The following THSD7B variants were observed in gnomAD, a reference collection of about 807,000 sequenced individuals.
THSD7B encodes the protein thrombospondin type 1 domain containing 7B.
In THSD7B, 138 loss-of-function variants were observed where a neutral mutation model predicts 213.6. That is an observed-to-expected ratio of 0.65 (90% CI 0.56 to 0.74). THSD7B has a LOEUF of 0.74. THSD7B is among the 30% of genes least tolerant of loss of function. The probability of loss-of-function intolerance (pLI) is 0.00; values close to 1 mark genes in which losing one functional copy is unlikely to be tolerated. For missense variants in THSD7B, 1,931 were observed against 1,991.5 expected, an observed-to-expected ratio of 0.97 and a Z score of 0.58; for synonymous variants, 742 against 687.0, an observed-to-expected ratio of 1.08 and a Z score of -1.25.
intron 15 of THSD7B, among the ~76,000 whole-genome samples, chr2:137,526,949 C>G (rs1403359027): frequency 1.3e-5 from 2 of 151,964 alleles, no homozygotes; most frequent in Admixed American, 6.6e-5. Flanking sequence ...AAATTTTGTA[C>G]CGCTTATCCA....
At chr2:137,188,297 A>G (rs1680589643) in intron 7 of THSD7B, among the ~76,000 whole-genome samples, 1 of 152,082 alleles carries the variant, frequency 6.6e-6, no homozygotes, top group Admixed American at 6.6e-5. Flanking sequence ...TTTACCAGCA[A>G]ATGGATATTT....
At position 137,195,218 on chromosome 2, in the gene THSD7B, A is replaced by G. The variant is rs551952422; in HGVS notation, c.1723+24280A>G. Among the ~76,000 whole-genome samples, 7 of 150,138 alleles carry G rather than the reference A, an allele frequency of 4.7e-5. No individual in the cohort carries two copies. The Admixed American group carries it at 4.7e-4, about 10-fold the overall frequency. ...CAAAACCCTGCATATAGCTATTTGT[A>G]TGTATATGTATGTGTGTATATATAT... On this transcript the variant is annotated intron_variant, in intron 7 of 27. Coordinates refer to ENST00000409968, the MANE Select transcript of THSD7B (RefSeq NM_001316349.2).
intron 24 of THSD7B, among the ~76,000 whole-genome samples, chr2:137,658,768 A>G (rs1446220): frequency 0.11 from 17,393 of 152,232 alleles, 1,043 homozygotes; most frequent in Middle Eastern, 0.17. Flanking sequence ...CTTCATTCCC[A>G]GGGACAATGT....
At chr2:137,127,933 A>G (rs1011919319) in intron 5 of THSD7B, among the ~76,000 whole-genome samples, 4 of 152,114 alleles carry the variant, frequency 2.6e-5, no homozygotes, top group African/African-American at 9.7e-5. Context: ...AAAACGAAAC[A>G]AAATAAAAAA....
Position 137,321,890 on chromosome 2 carries a change from G to A in THSD7B, c.2500+45864G>A, listed in dbSNP as rs562159376. Among the ~76,000 whole-genome samples, 221 of 152,290 alleles carry A rather than the reference G, an allele frequency of 1.5e-3. 1 individual carries two copies. Among genetic ancestry groups the A allele is most frequent in the Non-Finnish European group, 2.2e-3 (153 of 68,028 alleles). ...AATAATTAACTTCTGTGCCTTGTGA[G>A]CAGGAAAGCAGCATCAGCTATATAG... On this transcript the variant is annotated intron_variant, in intron 12 of 27. Coordinates refer to ENST00000409968, the MANE Select transcript of THSD7B (RefSeq NM_001316349.2).
chr2:137,321,851 G>T (rs1573960384), intron 12 of THSD7B, among the ~76,000 whole-genome samples: 1 of 152,224 alleles, frequency 6.6e-6, no homozygotes, highest in Non-Finnish European at 1.5e-5. Context: ...TCCAATCTAA[G>T]CACATCTGTT....
chr2:137,677,326 T>G lies in THSD7B; in HGVS notation c.*721T>G, dbSNP rs1433285282. The G allele has an allele frequency of 1.3e-5, 2 of 152,470 alleles. No homozygotes were observed. Among genetic ancestry groups the G allele is most frequent in the Non-Finnish European group, 2.9e-5 (2 of 68,020 alleles). 9.4% of individuals were successfully genotyped at this position (152,470 alleles called of 1,614,324 possible). ...TAGAGTGTACAAATGAAATATGTGG[T>G]TAAATTGGAGAATGAGGTAGATTAT... On this transcript the variant is annotated 3_prime_UTR_variant, in exon 28 of 28. Transcript: ENST00000409968.
At chr2:137,350,668 G>A (rs1291510478) in intron 12 of THSD7B, among the ~76,000 whole-genome samples, 1 of 151,486 alleles carries the variant, frequency 6.6e-6, no homozygotes, top group African/African-American at 2.4e-5. Flanking sequence ...GGGGAGGGTT[G>A]GGGAGAAGAC....
At chr2:137,021,927 G>C (rs6747913) in intron 2 of THSD7B, among the ~76,000 whole-genome samples, 1 of 152,094 alleles carries the variant, frequency 6.6e-6, no homozygotes, top group Non-Finnish European at 1.5e-5. Flanking sequence ...GATCAGCAGG[G>C]CTCAGGATGG....
chr2:137,609,989 T>A (rs1296448354), intron 17 of THSD7B, among the ~76,000 whole-genome samples: 1 of 152,100 alleles, frequency 6.6e-6, no homozygotes, highest in African/African-American at 2.4e-5. Context: ...ACTTCAAACT[T>A]TTTGACCTGA....
At chr2:136,993,097 C>A (rs1685818210) in intron 2 of THSD7B, among the ~76,000 whole-genome samples, 1 of 152,188 alleles carries the variant, frequency 6.6e-6, no homozygotes, top group South Asian at 2.1e-4. Flanking sequence ...CTGAATGATT[C>A]ATAAAGTGGA....
In THSD7B at chr2:137,057,283, A is replaced by C. The variant is rs1687188605; in HGVS notation, c.950+53A>C. 7 of 1,416,186 alleles carry C rather than the reference A, an allele frequency of 4.9e-6. No homozygotes were observed. In the Middle Eastern group the frequency reaches 9.1e-4, roughly 184 times the overall value. 87.7% of individuals were successfully genotyped at this position (1,416,186 alleles called of 1,614,324 possible). On this transcript the variant is annotated intron_variant, in intron 3 of 27. Transcript: ENST00000409968. ...ATTCACCTAAAATATTTTATAGTGC[A>C]ACTTTATAAAGCTTCTTTATGATTT... is the stretch of plus-strand genomic sequence containing the variant.
chr2:137,121,872 G>A (rs1688553180), intron 5 of THSD7B, among the ~76,000 whole-genome samples: 1 of 152,184 alleles, frequency 6.6e-6, no homozygotes, highest in African/African-American at 2.4e-5. Flanking sequence ...GAAAGGAATT[G>A]TTTGACTGTT....
chr2:137,638,822 C>G (rs1682883108), intron 20 of THSD7B, among the ~76,000 whole-genome samples: 1 of 152,022 alleles, frequency 6.6e-6, no homozygotes, highest in Non-Finnish European at 1.5e-5. Context: ...TTGCCCCTGC[C>G]CTAGAGATTT....
rs1446688915 is a variant in THSD7B at position 136,890,517 on chromosome 2, T to TTCTTTC, written c.139+8201_139+8202insCTTTCT. ...CCTTTCTTCTCCTTTCTTCTTCTTC[T>TTCTTTC]TTCTTCTTCTTCTTCTTCTTCTTCT... is the stretch of plus-strand genomic sequence containing the variant. On this transcript the variant is annotated intron_variant, in intron 2 of 27. Coordinates refer to ENST00000409968, the MANE Select transcript of THSD7B (RefSeq NM_001316349.2). Among the ~76,000 whole-genome samples the TTCTTTC allele has an allele frequency of 8.3e-4, 49 of 59,026 alleles. 8 individuals carry two copies. Among genetic ancestry groups the TTCTTTC allele is most frequent in the African/African-American group, 3.1e-3 (42 of 13,730 alleles). The allele number at this position is 59,026 out of a possible 152,430, so 38.7% of individuals were successfully genotyped here. A position where few individuals can be genotyped will look rare whatever the true frequency, so the allele number is the denominator to read the frequency against.
intron 17 of THSD7B, among the ~76,000 whole-genome samples, chr2:137,608,722 A>G (rs1221047473): frequency 1.3e-5 from 2 of 152,186 alleles, no homozygotes; most frequent in East Asian, 1.9e-4. Context: ...TTATCCATTT[A>G]TTTCTTAAAA....
intron 15 of THSD7B, among the ~76,000 whole-genome samples, chr2:137,500,349 G>A (rs1364612622): frequency 6.6e-6 from 1 of 152,140 alleles, no homozygotes; most frequent in African/African-American, 2.4e-5. Flanking sequence ...TCAGAAACAT[G>A]TTTTTTTGAC....
intron 12 of THSD7B, among the ~76,000 whole-genome samples, chr2:137,321,823 A>T (rs1298259309): frequency 2.0e-5 from 3 of 152,218 alleles, no homozygotes; most frequent in African/African-American, 7.2e-5. Context: ...GCTGAATTTC[A>T]TGGAGTATAA....
chr2:137,395,441 C>T (rs370003929), intron 12 of THSD7B, among the ~76,000 whole-genome samples: 3 of 149,762 alleles, frequency 2.0e-5, no homozygotes, highest in African/African-American at 4.9e-5. Context: ...TTGTCTTTGG[C>T]TCTGTTTATA....
Sources: gnomAD v4.1 joint callset for allele counts (sites outside exome capture counted in the v4.1 genomes callset) on GRCh38, gnomAD v4.1.1 for gene constraint, MANE v1.5 for transcripts, NCBI Gene and HGNC (gene_info 2026-07-23, HGNC 2026-07-21) for gene names.